Variants in RBMS3 observed in about 807,000 individuals in gnomAD.
RBMS3 encodes the protein RNA-binding motif, single-stranded-interacting protein 3.
A neutral mutation model predicts 66.8 loss-of-function variants in RBMS3; 27 were observed. The ratio of observed to expected loss-of-function variants is 0.40; its 90% confidence interval spans 0.30 to 0.56. The LOEUF (loss-of-function observed/expected upper bound fraction) is 0.56. RBMS3 is among the 20% of genes least tolerant of loss of function. The pLI is 0.40. For missense variants in RBMS3, 513 were observed against 549.5 expected, an observed-to-expected ratio of 0.93 and a Z score of 0.66; for synonymous variants, 188 against 183.0, an observed-to-expected ratio of 1.03 and a Z score of -0.22.
chr3:29,980,006 G>GC (rs1258731673), intron 12 of RBMS3, among the ~76,000 whole-genome samples: 1 of 152,138 alleles, frequency 6.6e-6, no homozygotes, highest in Non-Finnish European at 1.5e-5. Flanking sequence ...CTGAGGAATT[G>GC]CCACACTGTC....
At chr3:29,986,361 G>A (rs1698389802) in intron 12 of RBMS3, among the ~76,000 whole-genome samples, 1 of 152,080 alleles carries the variant, frequency 6.6e-6, no homozygotes, top group Admixed American at 6.5e-5. Context: ...CAAAACAAAA[G>A]TTTTAGAAAT....
intron 3 of RBMS3, among the ~76,000 whole-genome samples, chr3:29,559,850 A>C (rs1373053116): frequency 3.3e-5 from 5 of 152,162 alleles, no homozygotes; most frequent in African/African-American, 1.2e-4. Context: ...GCTTTCTTTC[A>C]AAGGGCATTA....
At chr3:29,855,969 G>A (rs1386693042) in intron 6 of RBMS3, among the ~76,000 whole-genome samples, 1 of 152,084 alleles carries the variant, frequency 6.6e-6, no homozygotes, top group Non-Finnish European at 1.5e-5. Context: ...TTAAAAAAAG[G>A]CATATAAATA....
intron 5 of RBMS3, among the ~76,000 whole-genome samples, chr3:29,757,550 G>C (rs932027265): frequency 6.6e-6 from 1 of 152,214 alleles, no homozygotes; most frequent in Non-Finnish European, 1.5e-5. Context: ...CACCTGGGTA[G>C]CTTTGAAATC....
intron 14 of RBMS3, among the ~76,000 whole-genome samples, chr3:29,992,737 T>G (rs1698968886): frequency 6.6e-6 from 1 of 152,160 alleles, no homozygotes; most frequent in Non-Finnish European, 1.5e-5. Flanking sequence ...GGGGAATTAC[T>G]GCTAACCTAA....
At chr3:29,852,410 G>A (rs2058957838) in intron 6 of RBMS3, among the ~76,000 whole-genome samples, 1 of 152,112 alleles carries the variant, frequency 6.6e-6, no homozygotes, top group Non-Finnish European at 1.5e-5. Context: ...TATAAACTGT[G>A]CATCTGACAA....
At chr3:29,784,137 A>G (rs979432518) in intron 6 of RBMS3, among the ~76,000 whole-genome samples, 1 of 152,154 alleles carries the variant, frequency 6.6e-6, no homozygotes, top group Non-Finnish European at 1.5e-5. Context: ...TAGACAGGTC[A>G]TCAAGACAGA....
At chr3:29,824,671 T>A (rs2058159795) in intron 6 of RBMS3, among the ~76,000 whole-genome samples, 1 of 152,156 alleles carries the variant, frequency 6.6e-6, no homozygotes, top group Admixed American at 6.5e-5. Flanking sequence ...TATCAACACA[T>A]CTACTGATGG....
chr3:29,487,513 G>A (rs1345118786), intron 2 of RBMS3, among the ~76,000 whole-genome samples: 1 of 151,954 alleles, frequency 6.6e-6, no homozygotes, highest in African/African-American at 2.4e-5. Context: ...GAAGCTTTGG[G>A]GACAGAATCT....
chr3:29,569,504 A>G (rs1037504544), intron 3 of RBMS3, among the ~76,000 whole-genome samples: 2 of 152,166 alleles, frequency 1.3e-5, no homozygotes, highest in African/African-American at 4.8e-5. Context: ...CAAACTTTTG[A>G]TATCCTTTTT....
intron 4 of RBMS3, chr3:29,698,535 G>A: frequency 1.0e-6 from 1 of 985,404 alleles, no homozygotes; most frequent in Non-Finnish European, 1.2e-6. Context: ...GGTGGGTCAA[G>A]ATGGCGGATT....
intron 1 of RBMS3, among the ~76,000 whole-genome samples, chr3:29,339,032 C>T (rs1432964033): frequency 7.2e-5 from 11 of 152,098 alleles, no homozygotes; most frequent in Non-Finnish European, 1.6e-4. Flanking sequence ...CAGAGGTCAG[C>T]CACTGTAAGC....
chr3:29,621,353 A>G (rs1252605489), intron 4 of RBMS3, among the ~76,000 whole-genome samples: 2 of 152,162 alleles, frequency 1.3e-5, no homozygotes, highest in Admixed American at 1.3e-4. Context: ...TGTAGTTATA[A>G]AGGATGAACT....
intron 4 of RBMS3, among the ~76,000 whole-genome samples, chr3:29,683,350 C>G (rs1211275198): frequency 6.6e-6 from 1 of 152,028 alleles, no homozygotes; most frequent in African/African-American, 2.4e-5. Flanking sequence ...AGGGAGGATG[C>G]CGAGAATAGA....
At position 29,729,206 on chromosome 3, in the gene RBMS3, T is replaced by C. The variant is rs917013021; in HGVS notation, c.400-10514T>C. Among the ~76,000 whole-genome samples the C allele has an allele frequency of 1.6e-4, 24 of 149,396 alleles. No homozygotes were observed. The East Asian group carries it at 4.5e-3, about 28-fold the overall frequency. Reference sequence around the variant, plus strand: ...CCGCCCTGTGTCCAAGTGATCTCATTGTTCAGTTCCCACCTATGAGTGAGA... The same window carrying C: ...CCGCCCTGTGTCCAAGTGATCTCATCGTTCAGTTCCCACCTATGAGTGAGA... On this transcript the variant is annotated intron_variant, in intron 4 of 14. Coordinates refer to ENST00000383767, the MANE Select transcript of RBMS3 (RefSeq NM_001003793.3).
intron 4 of RBMS3, among the ~76,000 whole-genome samples, chr3:29,680,174 C>T (rs921579294): frequency 6.6e-6 from 1 of 152,110 alleles, no homozygotes; most frequent in Non-Finnish European, 1.5e-5. Flanking sequence ...TTATCAGCCA[C>T]GGTTTGCCAA....
At chr3:29,598,361 A>G (rs1029127686) in intron 4 of RBMS3, among the ~76,000 whole-genome samples, 2 of 152,070 alleles carry the variant, frequency 1.3e-5, no homozygotes, top group African/African-American at 4.8e-5. Context: ...ATATGCAAAA[A>G]TACAGTAAAG....
intron 6 of RBMS3, among the ~76,000 whole-genome samples, chr3:29,821,366 T>C (rs2058071983): frequency 6.6e-6 from 1 of 152,168 alleles, no homozygotes; most frequent in Non-Finnish European, 1.5e-5. Context: ...CTGATTATTT[T>C]AGTCTTATTT....
intron 3 of RBMS3, among the ~76,000 whole-genome samples, chr3:29,495,620 A>T (rs1168238260): frequency 6.6e-6 from 1 of 151,688 alleles, no homozygotes; most frequent in Non-Finnish European, 1.5e-5. Flanking sequence ...AGGTTTCACC[A>T]TGTGGGCCAG....
Sources: allele counts gnomAD v4.1 joint callset (sites outside exome capture counted in the v4.1 genomes callset), GRCh38; gene constraint gnomAD v4.1.1; transcripts MANE v1.5; gene names NCBI Gene and HGNC (gene_info 2026-07-23, HGNC 2026-07-21).